The following COL20A1 variants were observed in gnomAD, a reference collection of about 807,000 sequenced individuals.
COL20A1 encodes collagen alpha-1(XX) chain.
A neutral mutation model predicts 152.9 loss-of-function variants in COL20A1; 164 were observed. The ratio of observed to expected loss-of-function variants is 1.07; its 90% confidence interval spans 0.94 to 1.22. The LOEUF is 1.22. COL20A1 is among the 50% of genes most tolerant of loss of function. The probability of loss-of-function intolerance (pLI) is 0.00; values close to 1 mark genes in which losing one functional copy is unlikely to be tolerated. For synonymous variants in COL20A1, 864 were observed against 756.0 expected (o/e 1.14, Z -2.34); for missense variants, 1,873 against 1,744.8 (o/e 1.07, Z -1.31).
At chr20:63,329,436 G>A (rs6011738) in intron 34 of COL20A1, 149 bp from the exon 35 acceptor site, 14 of 634,514 alleles carry the variant, frequency 2.2e-5, no homozygotes, top group African/African-American at 9.2e-5. Context: ...GACCTGGCAC[G>A]CTGCTGCCCC....
At chr20:63,312,975 G>A in intron 16 of COL20A1, 41 bp downstream of exon 16, 2 of 1,528,062 alleles carry the variant, frequency 1.3e-6, no homozygotes, top group Non-Finnish European at 1.8e-6. Context: ...GGCCCCCCGT[G>A]GGCCCCTAGT....
chr20:63,326,067 A>G (rs1458959450), intron 29 of COL20A1, 29 bp from the exon 30 acceptor site: 1 of 1,608,168 alleles, frequency 6.2e-7, no homozygotes, highest in Non-Finnish European at 8.5e-7. Flanking sequence ...TACAAACCCC[A>G]CCCAGCTTGC....
chr20:63,325,286 C>T (rs561476739), intron 27 of COL20A1, 155 bp from the exon 28 acceptor site: 10 of 720,936 alleles, frequency 1.4e-5, no homozygotes, highest in Admixed American at 1.0e-4. Flanking sequence ...CCGGGCCACC[C>T]GGACAGATGG....
In COL20A1 at chr20:63,321,077, C is replaced by G; in HGVS notation, c.3218C>G (p.Pro1073Arg). 1 of 1,600,692 alleles carries G rather than the reference C, an allele frequency of 6.2e-7. No homozygotes were observed. The highest frequency in any genetic ancestry group is 8.5e-7 in the Non-Finnish European group (1 of 1,174,244). Residue 1073 changes from proline to arginine, a missense_variant, in exon 26 of 36, where the codon CCC becomes CGC. Coordinates refer to ENST00000358894, the MANE Select transcript of COL20A1 (RefSeq NM_020882.4). ...TCCTGTTCCTCAGAGACCCCTGGGC[C>G]CCCAGGACCTCAAGGACCCCCAGTG... is the stretch of plus-strand genomic sequence containing the variant. Reference protein sequence around the residue: ...ACSCSSETPGPPGPQGPPGLP... With the variant: ...ACSCSSETPGRPGPQGPPGLP...
chr20:63,313,185 C>T lies in COL20A1; in HGVS notation c.2145C>T (p.Val715=), dbSNP rs973062124. The T allele has an allele frequency of 1.2e-6, 2 of 1,612,446 alleles. No homozygotes were observed. Among genetic ancestry groups the T allele is most frequent in the African/African-American group, 2.7e-5 (2 of 74,916 alleles). The change falls in exon 17 of 36, where the codon GTC becomes GTT. Residue 715 remains valine, a synonymous_variant. Coordinates refer to ENST00000358894, the MANE Select transcript of COL20A1 (RefSeq NM_020882.4). This position sits in a 1 kb window ranked among gnomAD's most constrained non-coding sequence, Gnocchi z 5.9. Reference sequence around the variant, plus strand: ...TAGGGAGGCACACAGAGTACGACGTCACCATCTTGGCCTACTACAGGGACG... The same window carrying T: ...TAGGGAGGCACACAGAGTACGACGTTACCATCTTGGCCTACTACAGGGACG... ...PGLGRHTEYD[V]TILAYYRDGA...
chr20:63,307,031 G>A (rs932229040), intron 5 of COL20A1, among the ~76,000 whole-genome samples: 4 of 152,222 alleles, frequency 2.6e-5, no homozygotes, highest in Admixed American at 1.3e-4. Flanking sequence ...ATCTCCCCGG[G>A]GGTCTGGCCC....
In COL20A1 at chr20:63,312,537, C is replaced by T. The variant is rs201391388; in HGVS notation, c.1921C>T (p.Arg641Trp). Residue 641 changes from arginine to tryptophan, a missense_variant, in exon 15 of 36, where the codon CGG becomes TGG. Transcript: ENST00000358894. ...GGGTGGCTCCTCTACGCTGACTGGC[C>T]GGGTGACCACCAGTGAGTGGGGAGA... Reference protein sequence around the residue: ...PGGGSSTLTGRVTTKKAPSPS... With the variant: ...PGGGSSTLTGWVTTKKAPSPS... 8.9e-5 allele frequency: 142 copies of T among 1,587,736 alleles called. No homozygotes were observed. The highest frequency in any genetic ancestry group is 7.4e-5 in the Non-Finnish European group (87 of 1,170,736).
Position 63,309,743 on chromosome 20 carries a change from C to G in COL20A1, c.1106-15C>G, listed in dbSNP as rs2067979210. ...TGCAGTGACCACCTGCCCCCCACTC[C>G]CGCTACTCCAGCAGCAGCGGCTCCA... On this transcript the variant is annotated splice_polypyrimidine_tract_variant and intron_variant, in intron 9 of 35. Coordinates refer to ENST00000358894, the MANE Select transcript of COL20A1 (RefSeq NM_020882.4). 9.1e-6 allele frequency: 14 copies of G among 1,546,502 alleles called. No individual in the cohort carries two copies. The highest frequency in any genetic ancestry group is 2.4e-5 in the South Asian group (2 of 81,684).
chr20:63,309,745 G>T lies in COL20A1; in HGVS notation c.1106-13G>T, dbSNP rs752366140. On this transcript the variant is annotated splice_polypyrimidine_tract_variant and intron_variant, in intron 9 of 35. Coordinates refer to ENST00000358894, the MANE Select transcript of COL20A1 (RefSeq NM_020882.4). Reference sequence around the variant, plus strand: ...CAGTGACCACCTGCCCCCCACTCCCGCTACTCCAGCAGCAGCGGCTCCAGC... The same window carrying T: ...CAGTGACCACCTGCCCCCCACTCCCTCTACTCCAGCAGCAGCGGCTCCAGC... The T allele has an allele frequency of 1.2e-5, 19 of 1,549,284 alleles. No individual in the cohort carries two copies. In the South Asian group the frequency reaches 2.3e-4, roughly 19 times the overall value.
Position 63,319,603 on chromosome 20 carries a change from G to T in COL20A1, c.2916+7G>T, listed in dbSNP as rs1468540858. 1 of 1,556,656 alleles carries T rather than the reference G, an allele frequency of 6.4e-7. No individual in the cohort carries two copies. The highest frequency in any genetic ancestry group is 1.9e-5 in the Admixed American group (1 of 52,992). On this transcript the variant is annotated splice_region_variant and intron_variant, in intron 23 of 35. Coordinates refer to ENST00000358894, the MANE Select transcript of COL20A1 (RefSeq NM_020882.4). The surrounding 1 kb of genome is among the most constrained non-coding windows in gnomAD (Gnocchi z 4.4). ...CTTCGGGAGCTTCCACAAGGTCCTGGTGCAGCTCGCGCCCCTCTCCCCCGT... is the reference window on the plus strand; with the variant it reads ...CTTCGGGAGCTTCCACAAGGTCCTGTTGCAGCTCGCGCCCCTCTCCCCCGT...
At position 63,313,369 on chromosome 20, in the gene COL20A1, C is replaced by T; in HGVS notation, c.2209+120C>T. On this transcript the variant is annotated intron_variant, in intron 17 of 35. Transcript: ENST00000358894. This position sits in a 1 kb window ranked among gnomAD's most constrained non-coding sequence, Gnocchi z 5.9. Reference sequence around the variant, plus strand: ...CTCCCAGAACTGCTGGCTCCAGAGCCCTGATCACTGGGCCTGGTCGTTGGA... The same window carrying T: ...CTCCCAGAACTGCTGGCTCCAGAGCTCTGATCACTGGGCCTGGTCGTTGGA... 1 of 1,125,766 alleles carries T rather than the reference C, an allele frequency of 8.9e-7. No individual in the cohort carries two copies. The highest frequency in any genetic ancestry group is 1.2e-6 in the Non-Finnish European group (1 of 804,452). The allele number at this position is 1,125,766 out of a possible 1,614,324, so 69.7% of individuals were successfully genotyped here.
rs1157362805 is a variant in COL20A1 at position 63,314,207 on chromosome 20, T to G, written c.2488+6T>G. 6.4e-7 allele frequency: 1 copy of G among 1,554,194 alleles called. No homozygotes were observed. The highest frequency in any genetic ancestry group is 8.7e-7 in the Non-Finnish European group (1 of 1,149,190). On this transcript the variant is annotated splice_donor_region_variant and intron_variant, in intron 19 of 35. Transcript: ENST00000358894. Reference sequence around the variant, plus strand: ...GTCTGCCACGGGCCAGACAGGTGAGTGGGCACCAAGACCCCAGACCCAGGT... The same window carrying G: ...GTCTGCCACGGGCCAGACAGGTGAGGGGGCACCAAGACCCCAGACCCAGGT...
intron 21 of COL20A1, among the ~76,000 whole-genome samples, chr20:63,317,475 A>AG (rs2123416587): frequency 6.6e-6 from 1 of 151,994 alleles, no homozygotes; most frequent in African/African-American, 2.4e-5. Flanking sequence ...TAAAAAAAAA[A>AG]AAAAAAAAAA....
intron 15 of COL20A1, 26 bp from the exon 16 acceptor site, chr20:63,312,766 C>A: frequency 6.5e-7 from 1 of 1,527,410 alleles, no homozygotes; most frequent in Non-Finnish European, 8.9e-7. Context: ...GGCTACACCC[C>A]CAGCCTGTGT....
chr20:63,323,056 G>C (rs763195031), intron 27 of COL20A1, among the ~76,000 whole-genome samples: 26 of 152,250 alleles, frequency 1.7e-4, no homozygotes, highest in Non-Finnish European at 3.1e-4. Flanking sequence ...ACGAGCCAGC[G>C]GTGACCTCCC....
At position 63,313,946 on chromosome 20, in the gene COL20A1, G is replaced by A. The variant is rs1279929652; in HGVS notation, c.2358+55G>A. ...CACCTCGTGGGGCCTCCTGGAAGGG[G>A]TATGGCCACACTGTCTGCGAAGGGT... On this transcript the variant is annotated intron_variant, in intron 18 of 35. Coordinates refer to ENST00000358894, the MANE Select transcript of COL20A1 (RefSeq NM_020882.4). This position sits in a 1 kb window ranked among gnomAD's most constrained non-coding sequence, Gnocchi z 5.9. 1.3e-6 allele frequency: 2 copies of A among 1,588,386 alleles called. No individual in the cohort carries two copies. The highest frequency in any genetic ancestry group is 1.7e-6 in the Non-Finnish European group (2 of 1,166,994).
chr20:63,316,180 G>T (rs1355467218), intron 20 of COL20A1, among the ~76,000 whole-genome samples: 5 of 152,116 alleles, frequency 3.3e-5, no homozygotes, highest in African/African-American at 1.2e-4. Flanking sequence ...TGGGCTTGCT[G>T]GGGGGCAGGG....
At chr20:63,314,372 G>T (rs116540012) in intron 19 of COL20A1, among the ~76,000 whole-genome samples, 171 bp downstream of exon 19, 2,285 of 152,286 alleles carry the variant, frequency 0.015, 61 homozygotes, top group African/African-American at 0.053. Flanking sequence ...GAGATGACTG[G>T]TTCCAGGCTG....
chr20:63,325,406 T>G, intron 27 of COL20A1, 35 bp from the exon 28 acceptor site: 4 of 1,545,046 alleles, frequency 2.6e-6, no homozygotes, highest in Non-Finnish European at 3.6e-6. Flanking sequence ...CTGTGCCCCC[T>G]CCGCTTCGCT....
Sources: gnomAD v4.1 joint callset for allele counts (sites outside exome capture counted in the v4.1 genomes callset) on GRCh38, gnomAD v4.1.1 for gene constraint, Gnocchi (gnomAD v3.1) non-coding constraint, MANE v1.5 for transcripts, NCBI Gene and HGNC (gene_info 2026-07-23, HGNC 2026-07-21) for gene names.